PRKAG2: variants seen among roughly 807,000 people sequenced by gnomAD.
PRKAG2 encodes 5'-AMP-activated protein kinase subunit gamma-2.
A neutral mutation model predicts 69.6 loss-of-function variants in PRKAG2; 26 were observed. The ratio of observed to expected loss-of-function variants is 0.37; its 90% CI spans 0.27 to 0.52. The LOEUF is 0.52. Ranked by LOEUF, PRKAG2 falls within the 20% of genes least tolerant of loss-of-function variation. PRKAG2 has a pLI of 0.90. For synonymous variants in PRKAG2, 293 were observed against 285.0 expected (o/e 1.03, Z -0.28); for missense variants, 557 against 740.0 (o/e 0.75, Z 2.87).
At chr7:151,612,599 GC>G (rs1819130885) in intron 5 of PRKAG2, among the ~76,000 whole-genome samples, 1 of 152,164 alleles carries the variant, frequency 6.6e-6, no homozygotes, top group African/African-American at 2.4e-5. Context: ...GTCTGGTTCT[GC>G]CCCCCATCAC....
intron 5 of PRKAG2, among the ~76,000 whole-genome samples, chr7:151,620,125 T>C (rs1355967336): frequency 6.6e-6 from 1 of 152,236 alleles, no homozygotes. Context: ...CCAGGAATTA[T>C]ACAGCTGCTG....
At chr7:151,739,796 G>A (rs190831488) in intron 3 of PRKAG2, among the ~76,000 whole-genome samples, 27 of 152,116 alleles carry the variant, frequency 1.8e-4, no homozygotes, top group Middle Eastern at 3.4e-3. Flanking sequence ...ACCTGCTTTC[G>A]CTTACACCAT....
At chr7:151,734,712 G>A (rs1282170411) in intron 3 of PRKAG2, among the ~76,000 whole-genome samples, 1 of 152,036 alleles carries the variant, frequency 6.6e-6, no homozygotes, top group Non-Finnish European at 1.5e-5. Context: ...ACCATGCTCG[G>A]CTAACTTTTA....
chr7:151,558,684 G>A, intron 15 of PRKAG2: 1 of 984,530 alleles, frequency 1.0e-6, no homozygotes, highest in Non-Finnish European at 1.2e-6. Context: ...TGTATACACT[G>A]TATCATAAGG....
intron 15 of PRKAG2, chr7:151,560,122 T>C (rs961017633): frequency 2.0e-6 from 2 of 985,088 alleles, no homozygotes; most frequent in Non-Finnish European, 2.4e-6. Flanking sequence ...ACTCAAAATA[T>C]AAGTTTTTTT....
At chr7:151,710,055 C>T (rs991923018) in intron 3 of PRKAG2, among the ~76,000 whole-genome samples, 2 of 152,166 alleles carry the variant, frequency 1.3e-5, no homozygotes, top group African/African-American at 4.8e-5. Flanking sequence ...GGCCGGAGCC[C>T]AGTGAATAGA....
At chr7:151,868,356 G>A (rs1192090795) in intron 1 of PRKAG2, among the ~76,000 whole-genome samples, 1 of 152,192 alleles carries the variant, frequency 6.6e-6, no homozygotes, top group African/African-American at 2.4e-5. Context: ...CTCTGGTCTG[G>A]GGGCATAAGC....
intron 6 of PRKAG2, among the ~76,000 whole-genome samples, chr7:151,590,741 T>C (rs925195286): frequency 6.6e-6 from 1 of 152,236 alleles, no homozygotes; most frequent in African/African-American, 2.4e-5. Flanking sequence ...GATCTTGCCA[T>C]TTCACAGCTG....
intron 3 of PRKAG2, among the ~76,000 whole-genome samples, chr7:151,753,206 C>T (rs1235070066): frequency 2.0e-5 from 3 of 152,240 alleles, no homozygotes; most frequent in Non-Finnish European, 4.4e-5. Flanking sequence ...AAACGCGTGG[C>T]TGGAGGTCTC....
rs115676968 is a variant in PRKAG2 at position 151,621,870 on chromosome 7, C to T, written c.754+10199G>A. 5.9e-3 allele frequency among the ~76,000 whole-genome samples: 906 copies of T among 152,276 alleles called. 8 individuals are homozygous for T. Among genetic ancestry groups the T allele is most frequent in the African/African-American group, 0.021 (867 of 41,556 alleles). On this transcript the variant is annotated intron_variant, in intron 5 of 15. Transcript: ENST00000287878. ...GATTACAGGCGTGAACCACCATGCC[C>T]GGCCGGTGTGCTTTGATCAACGTTA...
chr7:151,720,576 T>C (rs1796891269), intron 3 of PRKAG2, among the ~76,000 whole-genome samples: 1 of 142,686 alleles, frequency 7.0e-6, no homozygotes, highest in Non-Finnish European at 1.5e-5. Flanking sequence ...CGTCAAGCTC[T>C]AGAAAATGCA....
Position 151,784,994 on chromosome 7 carries a change from GC to G in PRKAG2, c.186+1475del, listed in dbSNP as rs1371351781. On this transcript the variant is annotated intron_variant, in intron 2 of 15. Transcript: ENST00000287878. Reference sequence around the variant, plus strand: ...CTGCGTGGCGGTGCAGATAACAGGCGCCAGCTGAAGCCACCAGGGACAGGGC... The same window carrying G: ...CTGCGTGGCGGTGCAGATAACAGGCGCAGCTGAAGCCACCAGGGACAGGGC... Among the ~76,000 whole-genome samples, 3 of 152,368 alleles carry G rather than the reference GC, an allele frequency of 2.0e-5. No individual in the cohort carries two copies. In the South Asian group the frequency reaches 6.2e-4, roughly 32 times the overall value.
At chr7:151,716,208 G>A (rs1437118886) in intron 3 of PRKAG2, among the ~76,000 whole-genome samples, 1 of 152,196 alleles carries the variant, frequency 6.6e-6, no homozygotes, top group African/African-American at 2.4e-5. Flanking sequence ...TCAGCCCCAT[G>A]GGTCAGATGT....
intron 3 of PRKAG2, among the ~76,000 whole-genome samples, chr7:151,711,014 C>T (rs1795211464): frequency 6.6e-6 from 1 of 152,096 alleles, no homozygotes; most frequent in East Asian, 1.9e-4. Flanking sequence ...TACTAACATG[C>T]TAGGGTTAGA....
chr7:151,641,968 A>G (rs1826781461), intron 4 of PRKAG2, among the ~76,000 whole-genome samples: 2 of 144,646 alleles, frequency 1.4e-5, no homozygotes, highest in Non-Finnish European at 3.0e-5. Context: ...TTGAGGTGGG[A>G]GGATCACTTG....
chr7:151,604,520 C>T (rs1817021783), intron 5 of PRKAG2, among the ~76,000 whole-genome samples: 1 of 151,936 alleles, frequency 6.6e-6, no homozygotes. Flanking sequence ...CACCTATGGC[C>T]CCAGCCTACT....
At chr7:151,628,349 TATAG>T (rs1324225952) in intron 5 of PRKAG2, among the ~76,000 whole-genome samples, 5 of 152,190 alleles carry the variant, frequency 3.3e-5, no homozygotes, top group African/African-American at 1.2e-4. Context: ...AGGCAGTTAA[TATAG>T]ATAAACACAA....
rs1409972630 is a variant in PRKAG2 at position 151,791,226 on chromosome 7, G to A, written c.115-4685C>T. 3.9e-5 allele frequency among the ~76,000 whole-genome samples: 6 copies of A among 152,296 alleles called. No individual in the cohort carries two copies. The East Asian group carries it at 7.7e-4, about 20-fold the overall frequency. ...TCCAGAGCTCACCAGGAAACATCAC[G>A]CATCTTGGGGCCGGTGTGGGAAAAT... On this transcript the variant is annotated intron_variant, in intron 1 of 15. Transcript: ENST00000287878.
intron 3 of PRKAG2, among the ~76,000 whole-genome samples, chr7:151,691,485 A>T (rs563879032): frequency 0.22 from 6,503 of 29,154 alleles, 337 homozygotes; most frequent in African/African-American, 0.41. Context: ...AAAACTCAGT[A>T]AAAAAAAAAA....
Sources: allele counts gnomAD v4.1 joint callset (sites outside exome capture counted in the v4.1 genomes callset), GRCh38; gene constraint gnomAD v4.1.1; transcripts MANE v1.5; gene names NCBI Gene and HGNC (gene_info 2026-07-23, HGNC 2026-07-21).